The following ZNF106 variants were observed in gnomAD, a reference collection of about 807,000 sequenced individuals.
The protein encoded by ZNF106 is SH3-domain binding protein 3.
In ZNF106, 67 loss-of-function variants were observed where a neutral mutation model predicts 195.1. The ratio of observed to expected loss-of-function variants is 0.34; its 90% CI spans 0.28 to 0.42. The LOEUF is 0.42. Ranked by LOEUF, ZNF106 falls within the 10% of genes least tolerant of loss-of-function variation. ZNF106 has a pLI of 1.00. For missense variants in ZNF106, 2,118 were observed against 2,304.5 expected (o/e 0.92, Z 1.66); for synonymous variants, 784 against 818.6 (o/e 0.96, Z 0.72).
At chr15:42,426,506 C>T (rs1293006121) in intron 15 of ZNF106, among the ~76,000 whole-genome samples, 1 of 151,554 alleles carries the variant, frequency 6.6e-6, no homozygotes, top group Non-Finnish European at 1.5e-5. Context: ...CCCAAGCAAT[C>T]CACCTGCCTC....
chr15:42,442,614 CTT>C (rs1209709879), intron 9 of ZNF106, among the ~76,000 whole-genome samples, 200 bp from the exon 10 acceptor site: 30 of 123,566 alleles, frequency 2.4e-4, no homozygotes, highest in Admixed American at 3.3e-4. Flanking sequence ...CATCAACATT[CTT>C]TTTTTTTTTT....
intron 1 of ZNF106, among the ~76,000 whole-genome samples, chr15:42,479,735 G>A (rs1156589162): frequency 6.6e-6 from 1 of 152,024 alleles, no homozygotes; most frequent in Admixed American, 6.6e-5. Flanking sequence ...CCAGCTACTC[G>A]GGAGGCTGAG....
chr15:42,472,774 G>C (rs994723913), intron 1 of ZNF106, among the ~76,000 whole-genome samples: 46 of 152,254 alleles, frequency 3.0e-4, no homozygotes, highest in African/African-American at 1.1e-3. Flanking sequence ...CATTTTGGGA[G>C]GCCGACGCGG....
At position 42,448,373 on chromosome 15, in the gene ZNF106, C is replaced by T. The variant is rs779845699; in HGVS notation, c.2834G>A (p.Arg945Gln). 2.7e-5 allele frequency: 44 copies of T among 1,613,984 alleles called. No homozygotes were observed. Among genetic ancestry groups the T allele is most frequent in the African/African-American group, 5.3e-5 (4 of 74,904 alleles). Residue 945 changes from arginine (R) to glutamine (Q), a missense_variant, in exon 6 of 22, where the codon CGA (arginine) becomes CAA (glutamine). Coordinates refer to ENST00000564754, the MANE Select transcript of ZNF106 (RefSeq NM_001366845.3). ...AACATTTTCAGCCCTTTCACCTGTT[C>T]GGAGGGAGGCAGCCCGAGGTGTCAC... The part of the protein sequence containing the change: ...QEVTPRAASL[R>Q]TGERAENVAT...
At chr15:42,454,733 TAA>T (rs572101867) in intron 4 of ZNF106, among the ~76,000 whole-genome samples, 1 of 140,050 alleles carries the variant, frequency 7.1e-6, no homozygotes, top group Admixed American at 7.1e-5. Flanking sequence ...AAAATAAAAA[TAA>T]AAAAAAAAAA....
rs1322495273 is a variant in ZNF106 at position 42,451,012 on chromosome 15, T to A, written c.1260A>T (p.Thr420=). The change falls in exon 5 of 22, where the codon ACA becomes ACT. Residue 420 remains threonine (T), a synonymous_variant. Transcript: ENST00000564754. ...TGIQEPQTDE[T]RNSPTQKTQK... Reference sequence around the variant, plus strand: ...GTGTTTTCTGTGTTGGGGAATTACGTGTTTCATCAGTTTGGGGCTCCTGTA... The same window carrying A: ...GTGTTTTCTGTGTTGGGGAATTACGAGTTTCATCAGTTTGGGGCTCCTGTA... 6.2e-7 allele frequency: 1 copy of A among 1,614,204 alleles called. No homozygotes were observed. The highest frequency in any genetic ancestry group is 8.5e-7 in the Non-Finnish European group (1 of 1,180,034).
chr15:42,435,367 T>C lies in ZNF106; in HGVS notation c.4881+17A>G. On this transcript the variant is annotated intron_variant, in intron 14 of 21. Coordinates refer to ENST00000564754, the MANE Select transcript of ZNF106 (RefSeq NM_001366845.3). ...GACTCAATATGAACCACTTTGGATT[T>C]CTCTGGACCCACCTACCTTAACATT... The C allele has an allele frequency of 6.2e-7, 1 of 1,614,168 alleles. No homozygotes were observed. Among genetic ancestry groups the C allele is most frequent in the Non-Finnish European group, 8.5e-7 (1 of 1,180,024 alleles).
chr15:42,444,257 A>C lies in ZNF106; in HGVS notation c.3366T>G (p.Thr1122=). 1 of 1,606,986 alleles carries C rather than the reference A, an allele frequency of 6.2e-7. No homozygotes were observed. Among genetic ancestry groups the C allele is most frequent in the Non-Finnish European group, 8.5e-7 (1 of 1,175,268 alleles). The stretch of plus-strand genomic sequence containing the variant: ...GGGTCCTCAGTGCACTCATCTCCAT[A>C]GTTATCTAAAAATAAAGTATTTTAT... The part of the protein sequence containing the change: ...QRLLMLKQQI[T]MEMSALRTHR... The change falls in exon 9 of 22, where the codon ACT becomes ACG. Residue 1122 remains threonine, a synonymous_variant. Transcript: ENST00000564754.
chr15:42,470,472 G>A (rs1035565438), intron 2 of ZNF106, among the ~76,000 whole-genome samples: 1 of 151,012 alleles, frequency 6.6e-6, no homozygotes, highest in African/African-American at 2.4e-5. Flanking sequence ...AAATAAAAAG[G>A]CAAAAAATAA....
Position 42,448,632 on chromosome 15 carries a change from A to T in ZNF106, c.2575T>A (p.Ser859Thr). Residue 859 changes from serine (S) to threonine (T), a missense_variant, in exon 6 of 22, where the codon TCC (serine) becomes ACC (threonine). By Grantham distance (58) the Ser-to-Thr change is moderately conservative. Transcript: ENST00000564754. ...ALDLDGEPDL[S>T]SLEGFQWEGV... ...TCCCACTGGAATCCTTCTAGACTGG[A>T]CAGATCAGGTTCCCCATCCAAATCT... 1 of 1,613,854 alleles carries T rather than the reference A, an allele frequency of 6.2e-7. No individual in the cohort carries two copies. Among genetic ancestry groups the T allele is most frequent in the Non-Finnish European group, 8.5e-7 (1 of 1,180,018 alleles).
At chr15:42,428,293 G>A (rs931271394) in intron 14 of ZNF106, among the ~76,000 whole-genome samples, 159 bp from the exon 15 acceptor site, 4 of 152,132 alleles carry the variant, frequency 2.6e-5, no homozygotes, top group African/African-American at 9.7e-5. Context: ...TTTCTCCTTT[G>A]AAATATGAGG....
intron 4 of ZNF106, among the ~76,000 whole-genome samples, chr15:42,455,777 C>T (rs915369082): frequency 6.6e-6 from 1 of 152,150 alleles, no homozygotes; most frequent in Non-Finnish European, 1.5e-5. Flanking sequence ...AACTAGTATT[C>T]AAAGAAGAAT....
intron 15 of ZNF106, among the ~76,000 whole-genome samples, chr15:42,427,073 A>C (rs1266686248): frequency 6.6e-6 from 1 of 152,230 alleles, no homozygotes; most frequent in Non-Finnish European, 1.5e-5. Context: ...ACATGGTTAC[A>C]AGATGACCAG....
chr15:42,435,644 C>CAGGTGCTGTT, intron 13 of ZNF106, 126 bp from the exon 14 acceptor site: 1 of 1,135,880 alleles, frequency 8.8e-7, no homozygotes, highest in Non-Finnish European at 1.3e-6. Context: ...AAAACAGCAC[C>CAGGTGCTGTT]TGGTACACAA....
At chr15:42,452,934 C>T (rs893242112) in intron 4 of ZNF106, among the ~76,000 whole-genome samples, 3 of 152,098 alleles carry the variant, frequency 2.0e-5, no homozygotes, top group African/African-American at 4.8e-5. Flanking sequence ...AATCCACCCA[C>T]CGCGGCCTCC....
intron 4 of ZNF106, among the ~76,000 whole-genome samples, chr15:42,455,905 C>T (rs993859667): frequency 3.9e-5 from 6 of 152,154 alleles, no homozygotes; most frequent in Admixed American, 1.3e-4. Context: ...ATTTCTACCT[C>T]ATTAATTAAA....
intron 4 of ZNF106, among the ~76,000 whole-genome samples, chr15:42,455,720 T>C (rs1439940176): frequency 6.6e-6 from 1 of 152,204 alleles, no homozygotes; most frequent in Non-Finnish European, 1.5e-5. Context: ...AACAACTTCC[T>C]TTTTATAGTT....
chr15:42,464,149 G>A (rs965182538), intron 3 of ZNF106, among the ~76,000 whole-genome samples: 1 of 152,086 alleles, frequency 6.6e-6, no homozygotes, highest in African/African-American at 2.4e-5. Context: ...AGATCAGTCT[G>A]ACCAACATGG....
chr15:42,421,261 G>A (rs978224648), intron 19 of ZNF106, 129 bp from the exon 20 acceptor site: 4 of 821,408 alleles, frequency 4.9e-6, no homozygotes, highest in Non-Finnish European at 8.1e-6. Context: ...ACCAGCTCCA[G>A]AGCAGGAGAA....
Sources: gnomAD v4.1 joint callset for allele counts (sites outside exome capture counted in the v4.1 genomes callset) on GRCh38, gnomAD v4.1.1 for gene constraint, MANE v1.5 for transcripts, NCBI Gene and HGNC (gene_info 2026-07-23, HGNC 2026-07-21) for gene names.